Variants in RAPGEF4 observed in about 807,000 individuals in gnomAD.
The protein encoded by RAPGEF4 is Rap guanine nucleotide exchange factor 4.
In RAPGEF4, 66 loss-of-function variants were observed where a neutral mutation model predicts 147.9. The observed-to-expected ratio is 0.45, with a 90% CI of 0.37 to 0.55. RAPGEF4 has a LOEUF of 0.55. RAPGEF4 is among the 20% of genes least tolerant of loss of function. The pLI, the probability that RAPGEF4 is intolerant of heterozygous loss-of-function variation, is 0.00. For synonymous variants in RAPGEF4, 419 were observed against 442.7 expected (o/e 0.95, Z 0.67); for missense variants, 1,071 against 1,257.3 (o/e 0.85, Z 2.24).
chr2:172,802,485 A>C (rs1475356371), intron 3 of RAPGEF4, among the ~76,000 whole-genome samples: 1 of 152,208 alleles, frequency 6.6e-6, no homozygotes, highest in Non-Finnish European at 1.5e-5. Context: ...AGTACAGGAA[A>C]GACCCACCCC....
At chr2:173,005,947 T>A (rs757429687) in intron 17 of RAPGEF4, among the ~76,000 whole-genome samples, 3 of 144,120 alleles carry the variant, frequency 2.1e-5, no homozygotes, top group Non-Finnish European at 4.5e-5. Context: ...ACATTGTGGT[T>A]GATTTGCCAA....
chr2:172,756,704 G>A (rs1404746128), intron 1 of RAPGEF4, among the ~76,000 whole-genome samples: 1 of 152,200 alleles, frequency 6.6e-6, no homozygotes, highest in African/African-American at 2.4e-5. Context: ...GCATCTATTT[G>A]TTCAGGACCT....
intron 5 of RAPGEF4, 150 bp downstream of exon 5, chr2:172,918,024 T>C (rs1387450862): frequency 5.1e-6 from 4 of 779,650 alleles, no homozygotes; most frequent in Non-Finnish European, 6.9e-6. Context: ...ACACTGGAGA[T>C]ATTTTTAAAG....
intron 18 of RAPGEF4, among the ~76,000 whole-genome samples, chr2:173,014,944 C>A (rs1277912358): frequency 1.3e-5 from 2 of 151,978 alleles, no homozygotes; most frequent in Non-Finnish European, 2.9e-5. Context: ...TCAGTACAGT[C>A]CTTATAATAA....
At chr2:172,860,088 A>G (rs1464762401) in intron 4 of RAPGEF4, 1 of 985,438 alleles carries the variant, frequency 1.0e-6, no homozygotes, top group Non-Finnish European at 1.2e-6. Flanking sequence ...GAAAGGTAGG[A>G]TGCATACGCA....
At chr2:173,009,137 G>A (rs946751011) in intron 17 of RAPGEF4, among the ~76,000 whole-genome samples, 4 of 152,170 alleles carry the variant, frequency 2.6e-5, no homozygotes, top group African/African-American at 9.7e-5. Flanking sequence ...TTTAAAAGAT[G>A]TACCAGATGT....
chr2:172,919,139 G>A (rs1684429631), intron 5 of RAPGEF4, among the ~76,000 whole-genome samples: 4 of 152,106 alleles, frequency 2.6e-5, no homozygotes, highest in African/African-American at 9.7e-5. Flanking sequence ...AAGCACCTGA[G>A]TTGCAATCCC....
chr2:172,990,169 A>G (rs923488281), intron 14 of RAPGEF4, among the ~76,000 whole-genome samples: 2 of 152,082 alleles, frequency 1.3e-5, no homozygotes, highest in African/African-American at 2.4e-5. Context: ...AAATTTTTAA[A>G]CTAACTATTT....
At chr2:172,889,808 G>C in intron 4 of RAPGEF4, 2 of 980,188 alleles carry the variant, frequency 2.0e-6, no homozygotes. Flanking sequence ...GTCAATGTCA[G>C]TATTTAAACT....
rs116074045 is a variant in RAPGEF4 at position 172,947,479 on chromosome 2, T to C, written c.538-13281T>C. Reference sequence around the variant, plus strand: ...TGCATGCTCTGCTAGGCTCACTGTCTAGCCAGGTAACCTCCTGCTGAAGAC... The same window carrying C: ...TGCATGCTCTGCTAGGCTCACTGTCCAGCCAGGTAACCTCCTGCTGAAGAC... On this transcript the variant is annotated intron_variant, in intron 6 of 30. Coordinates refer to ENST00000397081, the MANE Select transcript of RAPGEF4 (RefSeq NM_007023.4). Among the ~76,000 whole-genome samples the C allele has an allele frequency of 5.2e-3, 787 of 152,304 alleles. 8 individuals are homozygous for C. Among genetic ancestry groups the C allele is most frequent in the African/African-American group, 0.018 (728 of 41,568 alleles).
At chr2:172,941,056 G>A (rs1453316044) in intron 6 of RAPGEF4, among the ~76,000 whole-genome samples, 3 of 152,134 alleles carry the variant, frequency 2.0e-5, no homozygotes, top group African/African-American at 4.8e-5. Flanking sequence ...TTGGTATTTT[G>A]TACATGACCT....
chr2:172,889,747 A>G, intron 4 of RAPGEF4: 1 of 793,692 alleles, frequency 1.3e-6, no homozygotes, highest in Non-Finnish European at 1.5e-6. Context: ...TTCAAATGTC[A>G]ATCAGCAAGG....
chr2:172,754,825 G>A (rs546042987), intron 1 of RAPGEF4, among the ~76,000 whole-genome samples: 46 of 152,214 alleles, frequency 3.0e-4, no homozygotes, highest in South Asian at 2.3e-3. Flanking sequence ...GGCGGATCAC[G>A]AGGTCAGGAG....
chr2:172,990,737 T>A, intron 14 of RAPGEF4, 73 bp from the exon 15 acceptor site: 1 of 1,041,338 alleles, frequency 9.6e-7, no homozygotes, highest in Non-Finnish European at 1.5e-6. Flanking sequence ...AATGAGTTTC[T>A]GAAGCATTTG....
Position 172,960,771 on chromosome 2 carries a change from T to C in RAPGEF4, c.549T>C (p.Ile183=). The change falls in exon 7 of 31, where the codon ATT becomes ATC. Residue 183 remains isoleucine, a synonymous_variant. Coordinates refer to ENST00000397081, the MANE Select transcript of RAPGEF4 (RefSeq NM_007023.4). ...RIPDKENTPL[I]EPHVPLRPAN... ...ATTTTATTTTTCAGACACCTCTCAT[T>C]GAACCTCACGTTCCTCTTCGTCCTG... 1.9e-6 allele frequency: 3 copies of C among 1,605,002 alleles called. No homozygotes were observed. The highest frequency in any genetic ancestry group is 2.6e-6 in the Non-Finnish European group (3 of 1,175,590).
intron 4 of RAPGEF4, among the ~76,000 whole-genome samples, chr2:172,897,156 T>C (rs1405743239): frequency 6.6e-6 from 1 of 152,224 alleles, no homozygotes; most frequent in Non-Finnish European, 1.5e-5. Flanking sequence ...TTCTCTTTTT[T>C]TAACAGCTTC....
In RAPGEF4 at chr2:173,026,670, T is replaced by C; in HGVS notation, c.2352T>C (p.Asp784=). Residue 784 remains aspartate (D), a synonymous_variant, in exon 24 of 31, where the codon GAT becomes GAC. Transcript: ENST00000397081. ...TAGCATACCAGATGACAATTTATGA[T>C]TGGGAACTCTTCAACTGCGTGCATG... ...KDLAYQMTIY[D]WELFNCVHEL... is the part of the protein sequence containing the mutation. The C allele has an allele frequency of 6.2e-7, 1 of 1,614,012 alleles. No homozygotes were observed. The highest frequency in any genetic ancestry group is 8.5e-7 in the Non-Finnish European group (1 of 1,179,962).
At chr2:172,789,441 T>A (rs1685582729) in intron 1 of RAPGEF4, among the ~76,000 whole-genome samples, 1 of 152,184 alleles carries the variant, frequency 6.6e-6, no homozygotes, top group Non-Finnish European at 1.5e-5. Context: ...AAATGATTCT[T>A]TTTAAAATTT....
chr2:172,838,087 A>ATGG (rs1691161672), intron 4 of RAPGEF4, among the ~76,000 whole-genome samples: 8 of 152,314 alleles, frequency 5.3e-5, no homozygotes, highest in African/African-American at 1.7e-4. Flanking sequence ...AGAATACCAG[A>ATGG]AGGCTGAGGC....
Sources: allele counts gnomAD v4.1 joint callset (sites outside exome capture counted in the v4.1 genomes callset), GRCh38; gene constraint gnomAD v4.1.1; transcripts MANE v1.5; gene names NCBI Gene and HGNC (gene_info 2026-07-23, HGNC 2026-07-21).